Variants in LINGO2 observed in about 807,000 individuals in gnomAD.
LINGO2 encodes the protein leucine-rich repeat and immunoglobulin-like domain-containing nogo receptor-interacting protein 2.
LINGO2 carries 14 observed loss-of-function variants against 30.6 expected under a neutral mutation model. That is an observed-to-expected ratio of 0.46 (90% CI 0.30 to 0.72). The LOEUF (loss-of-function observed/expected upper bound fraction) is 0.72. Among genes scored for constraint, LINGO2 ranks in the 30% least tolerant of loss-of-function variants. The pLI is 0.07. For missense variants in LINGO2, 729 were observed against 751.7 expected, an observed-to-expected ratio of 0.97 and a Z score of 0.35; for synonymous variants, 317 against 288.5, an observed-to-expected ratio of 1.10 and a Z score of -1.00.
At chr9:28,924,402 G>C in the LINGO2 span, among the ~76,000 whole-genome samples, 1 of 151,938 alleles carries the variant, frequency 6.6e-6, no homozygotes, top group African/African-American at 2.4e-5. Flanking sequence ...TGTATTTTTT[G>C]TAGAGACAGG....
chr9:28,722,541 C>T, the LINGO2 span, among the ~76,000 whole-genome samples: 21 of 151,988 alleles, frequency 1.4e-4, no homozygotes, highest in African/African-American at 4.8e-4. Context: ...TTAAGATAGT[C>T]CTGGAGAGGA....
intron 2 of LINGO2, among the ~76,000 whole-genome samples, chr9:28,416,971 T>C (rs1822992868): frequency 6.6e-6 from 1 of 152,166 alleles, no homozygotes; most frequent in African/African-American, 2.4e-5. Context: ...TATATACCCT[T>C]ACAGCCCTTT....
intron 2 of LINGO2, among the ~76,000 whole-genome samples, chr9:28,388,441 G>C (rs1821689232): frequency 6.6e-6 from 1 of 152,186 alleles, no homozygotes; most frequent in Admixed American, 6.5e-5. Flanking sequence ...TTATAGCTAA[G>C]AATAGAATTG....
chr9:28,028,738 T>C (rs1427509157), intron 4 of LINGO2, among the ~76,000 whole-genome samples: 7 of 152,234 alleles, frequency 4.6e-5, no homozygotes, highest in Non-Finnish European at 5.9e-5. Flanking sequence ...TGTATTTGTG[T>C]TTTTTGTATT....
the LINGO2 span, among the ~76,000 whole-genome samples, chr9:28,736,686 C>A: frequency 2.0e-5 from 3 of 152,084 alleles, no homozygotes; most frequent in South Asian, 2.1e-4. Context: ...CAGCTACTTG[C>A]GGGGCTGAGG....
chr9:28,638,947 G>A (rs894374199), intron 1 of LINGO2, among the ~76,000 whole-genome samples: 2 of 151,968 alleles, frequency 1.3e-5, no homozygotes, highest in African/African-American at 4.8e-5. Context: ...GCTTTCTCTT[G>A]TGGGCATTTA....
chr9:28,431,415 A>G (rs543866743), intron 2 of LINGO2, among the ~76,000 whole-genome samples: 4 of 152,348 alleles, frequency 2.6e-5, no homozygotes, highest in Admixed American at 6.5e-5. Flanking sequence ...GAGAGAGCGC[A>G]ATCAAAGATA....
intron 3 of LINGO2, among the ~76,000 whole-genome samples, chr9:28,365,550 G>T (rs1238668749): frequency 6.6e-6 from 1 of 152,098 alleles, no homozygotes; most frequent in Non-Finnish European, 1.5e-5. Context: ...GCCTGGGTGA[G>T]GGTTGATTGC....
chr9:28,035,977 C>T (rs558624031), intron 4 of LINGO2, among the ~76,000 whole-genome samples: 124 of 152,124 alleles, frequency 8.2e-4, no homozygotes, highest in African/African-American at 2.9e-3. Flanking sequence ...CAATATCTAG[C>T]CTCTACTTTT....
intron 4 of LINGO2, among the ~76,000 whole-genome samples, chr9:28,023,496 G>C (rs1823234208): frequency 6.6e-6 from 1 of 152,300 alleles, no homozygotes. Flanking sequence ...GTAAGGTGTA[G>C]AGAGGGAAAA....
chr9:29,099,476 C>T, the LINGO2 span, among the ~76,000 whole-genome samples: 1 of 152,214 alleles, frequency 6.6e-6, no homozygotes, highest in Non-Finnish European at 1.5e-5. Flanking sequence ...TATCTGTATA[C>T]TACCCATCTG....
At chr9:28,450,409 G>A (rs796643192) in intron 2 of LINGO2, among the ~76,000 whole-genome samples, 10 of 152,158 alleles carry the variant, frequency 6.6e-5, no homozygotes, top group African/African-American at 2.4e-4. Context: ...GAAAAAGAGT[G>A]GGCTTTTGAG....
chr9:28,308,678 C>G (rs1307587085), intron 3 of LINGO2, among the ~76,000 whole-genome samples: 2 of 149,888 alleles, frequency 1.3e-5, no homozygotes, highest in Non-Finnish European at 3.0e-5. Flanking sequence ...TTGCAACCTA[C>G]TCATCTGACA....
At chr9:28,109,489 G>C (rs1479997077) in intron 4 of LINGO2, among the ~76,000 whole-genome samples, 1 of 152,074 alleles carries the variant, frequency 6.6e-6, no homozygotes, top group Non-Finnish European at 1.5e-5. Context: ...TCTATATTTA[G>C]AAAACCTAAT....
At chr9:28,471,326 T>C (rs1825510592) in intron 2 of LINGO2, among the ~76,000 whole-genome samples, 1 of 152,234 alleles carries the variant, frequency 6.6e-6, no homozygotes, top group South Asian at 2.1e-4. Context: ...AGACAGTGAA[T>C]GTAAAAGAGA....
At chr9:28,350,917 T>C (rs1819848751) in intron 3 of LINGO2, among the ~76,000 whole-genome samples, 1 of 151,798 alleles carries the variant, frequency 6.6e-6, no homozygotes, top group East Asian at 1.9e-4. Flanking sequence ...CATAATGAAA[T>C]GAAGGCAGAA....
rs1277520144 is a variant in LINGO2, at chr9:28,534,479, A to G, written c.-364-58454T>C. On this transcript the variant is annotated intron_variant, in intron 1 of 5. Coordinates refer to ENST00000379992, the Ensembl canonical transcript of LINGO2. ...TGTTTTTTAAATCTCTTATTCCACA[A>G]CTAACCAAGATATCGTACTATAGCA... Among the ~76,000 whole-genome samples, 3 of 152,138 alleles carry G rather than the reference A, an allele frequency of 2.0e-5. No individual in the cohort carries two copies. The East Asian group carries it at 5.8e-4, about 29-fold the overall frequency.
intron 4 of LINGO2, among the ~76,000 whole-genome samples, chr9:28,210,604 T>A (rs1820555545): frequency 6.6e-6 from 1 of 151,604 alleles, no homozygotes; most frequent in Non-Finnish European, 1.5e-5. Flanking sequence ...GAGCTGCATG[T>A]GTGTACTTAA....
intron 4 of LINGO2, among the ~76,000 whole-genome samples, chr9:28,180,393 T>A (rs1828878528): frequency 6.6e-6 from 1 of 152,194 alleles, no homozygotes; most frequent in African/African-American, 2.4e-5. Context: ...GTCTATTTTA[T>A]AAATGAAAGC....
Sources: gnomAD v4.1 joint callset for allele counts (sites outside exome capture counted in the v4.1 genomes callset) on GRCh38, gnomAD v4.1.1 for gene constraint, MANE v1.5 for transcripts, NCBI Gene and HGNC (gene_info 2026-07-23, HGNC 2026-07-21) for gene names.